The following PRDX1 variants were observed in gnomAD, a reference collection of about 807,000 sequenced individuals.
PRDX1 encodes peroxiredoxin-1.
In PRDX1, 19 loss-of-function variants were observed where a neutral mutation model predicts 20.7. The ratio of observed to expected loss-of-function variants is 0.92; its 90% confidence interval spans 0.64 to 1.35. The LOEUF (loss-of-function observed/expected upper bound fraction) is 1.35. PRDX1 is among the 40% of genes most tolerant of loss of function. The pLI, the probability that PRDX1 is intolerant of heterozygous loss-of-function variation, is 0.00. For missense variants in PRDX1, 226 were observed against 240.0 expected (o/e 0.94, Z 0.38); for synonymous variants, 89 against 83.9 (o/e 1.06, Z -0.33).
chr1:45,516,682 T>A (rs1008599392), intron 2 of PRDX1, among the ~76,000 whole-genome samples: 1 of 152,064 alleles, frequency 6.6e-6, no homozygotes, highest in Non-Finnish European at 1.5e-5. Flanking sequence ...AAATATTCAC[T>A]CATTTCCAGG....
rs2149325211 is a variant in PRDX1 at position 45,511,149 on chromosome 1, A to G, written c.*180T>C. 3.5e-6 allele frequency: 2 copies of G among 573,322 alleles called. No homozygotes were observed. The highest frequency in any genetic ancestry group is 9.8e-4 in the Middle Eastern group (2 of 2,050). The allele number at this position is 573,322 out of a possible 1,614,324, so 35.5% of individuals were successfully genotyped here. A position where few individuals can be genotyped will look rare whatever the true frequency, so the allele number is the denominator to read the frequency against. On this transcript the variant is annotated 3_prime_UTR_variant, in exon 6 of 6. Coordinates refer to ENST00000319248, the MANE Select transcript of PRDX1 (RefSeq NM_181697.3). Reference sequence around the variant, plus strand: ...CCTGCCCACAACGCCAACTCAGGCCATTCCTACCAAAGGAAGAAAGGCTGG... The same window carrying G: ...CCTGCCCACAACGCCAACTCAGGCCGTTCCTACCAAAGGAAGAAAGGCTGG...
intron 5 of PRDX1, among the ~76,000 whole-genome samples, chr1:45,513,952 AGAGG>A (rs1166557957): frequency 6.6e-6 from 1 of 152,178 alleles, no homozygotes; most frequent in Non-Finnish European, 1.5e-5. Flanking sequence ...GATTAGTAAA[AGAGG>A]AAGGAACGCC....
In PRDX1 at chr1:45,515,809, TG is replaced by T. The variant is rs745328384; in HGVS notation, c.107-3del. On this transcript the variant is annotated splice_region_variant and splice_polypyrimidine_tract_variant and intron_variant, in intron 2 of 5. Coordinates refer to ENST00000319248, the MANE Select transcript of PRDX1 (RefSeq NM_181697.3). ...AAAAGAAGAACACAACATATTTTCCTGGGGGGAAAATCGGAGTCATGGTTAG... is the reference window on the plus strand; with the variant it reads ...AAAAGAAGAACACAACATATTTTCCTGGGGGAAAATCGGAGTCATGGTTAG... 1.1e-5 allele frequency: 17 copies of T among 1,550,898 alleles called. No individual in the cohort carries two copies. Among genetic ancestry groups the T allele is most frequent in the African/African-American group, 1.4e-5 (1 of 71,004 alleles).
At chr1:45,519,495 C>A (rs1225202912) in intron 1 of PRDX1, among the ~76,000 whole-genome samples, 3 of 152,256 alleles carry the variant, frequency 2.0e-5, no homozygotes, top group Non-Finnish European at 4.4e-5. Context: ...TGTGCCTCCA[C>A]CTGCCTTCAT....
At chr1:45,520,224 A>AAAG (rs1168738391) in intron 1 of PRDX1, among the ~76,000 whole-genome samples, 1 of 147,800 alleles carries the variant, frequency 6.8e-6, no homozygotes, top group African/African-American at 2.6e-5. Flanking sequence ...AAAAAAAAAA[A>AAAG]AGAGGCAAGA....
At chr1:45,520,588 G>C (rs929514189) in intron 1 of PRDX1, among the ~76,000 whole-genome samples, 1 of 152,084 alleles carries the variant, frequency 6.6e-6, no homozygotes, top group African/African-American at 2.4e-5. Flanking sequence ...GCCGGGGGTG[G>C]TGGCACGCGC....
At chr1:45,511,712 G>T in intron 5 of PRDX1, 3 of 233,146 alleles carry the variant, frequency 1.3e-5, no homozygotes, top group Non-Finnish European at 1.7e-5. Flanking sequence ...TCCTTAAGGG[G>T]AAAAAAAAGC....
intron 3 of PRDX1, 67 bp from the exon 4 acceptor site, chr1:45,515,062 C>T: frequency 1.3e-6 from 2 of 1,575,408 alleles, no homozygotes; most frequent in Non-Finnish European, 1.7e-6. Context: ...TTCCTCTTTC[C>T]CCTTTCCCAT....
intron 2 of PRDX1, among the ~76,000 whole-genome samples, chr1:45,518,143 C>A (rs936219322): frequency 1.3e-5 from 2 of 152,030 alleles, no homozygotes; most frequent in Non-Finnish European, 2.9e-5. Context: ...CCAGCCTGGG[C>A]AACATGGCGC....
chr1:45,521,963 GGAGA>G (rs1643918936), upstream of PRDX1: 1 of 152,336 alleles, frequency 6.6e-6, no homozygotes, highest in South Asian at 2.1e-4. Context: ...TGCCGGAGGA[GGAGA>G]GAGAGGAGGG....
At chr1:45,522,597 C>G (rs1357057251), upstream of PRDX1, among the ~76,000 whole-genome samples, 1 of 152,130 alleles carries the variant, frequency 6.6e-6, no homozygotes, top group African/African-American at 2.4e-5. Context: ...ATGACTACCC[C>G]CCACAAACAC....
At chr1:45,514,392 G>A (rs1214249290) in intron 5 of PRDX1, 115 bp downstream of exon 5, 33 of 1,294,644 alleles carry the variant, frequency 2.5e-5, no homozygotes, top group Non-Finnish European at 3.3e-5. Flanking sequence ...CTTTGTCTAC[G>A]TGTCTTTTTC....
At chr1:45,516,113 C>T (rs1643858981) in intron 2 of PRDX1, among the ~76,000 whole-genome samples, 1 of 152,244 alleles carries the variant, frequency 6.6e-6, no homozygotes, top group Non-Finnish European at 1.5e-5. Context: ...ACACCAAGTT[C>T]TCCAAAGATA....
At chr1:45,511,660 CA>C (rs1479893290) in intron 5 of PRDX1, 9 of 339,728 alleles carry the variant, frequency 2.6e-5, no homozygotes, top group South Asian at 9.7e-5. Context: ...AAATTTTCCA[CA>C]AAAAAAGGCA....
intron 2 of PRDX1, among the ~76,000 whole-genome samples, chr1:45,516,534 A>G (rs1643863738): frequency 1.3e-5 from 2 of 152,180 alleles, no homozygotes; most frequent in African/African-American, 2.4e-5. Flanking sequence ...AGAAAAGACA[A>G]AAGTACTAGT....
At chr1:45,516,923 A>G (rs1404874727) in intron 2 of PRDX1, among the ~76,000 whole-genome samples, 1 of 151,574 alleles carries the variant, frequency 6.6e-6, no homozygotes, top group African/African-American at 2.4e-5. Context: ...GGGGAGGCTG[A>G]GCCAGGAGAA....
intron 3 of PRDX1, among the ~76,000 whole-genome samples, 158 bp from the exon 4 acceptor site, chr1:45,515,153 G>T (rs977173447): frequency 6.6e-6 from 1 of 152,110 alleles, no homozygotes; most frequent in African/African-American, 2.4e-5. Context: ...AGTTAAGGTA[G>T]GTCACTAGGG....
At chr1:45,512,333 G>C (rs1360136461) in intron 5 of PRDX1, 1 of 151,374 alleles carries the variant, frequency 6.6e-6, no homozygotes, top group Non-Finnish European at 1.5e-5. Context: ...CACCTCCGGG[G>C]TTCATGCCAT....
chr1:45,520,723 CAAAAAAAAAAA>C (rs71052895), intron 1 of PRDX1, among the ~76,000 whole-genome samples: 4 of 57,546 alleles, frequency 7.0e-5, no homozygotes, highest in African/African-American at 2.2e-4. Context: ...GACTCCGTCT[CAAAAAAAAAAA>C]AAAAAAAAAA....
Sources: gnomAD v4.1 joint callset for allele counts (sites outside exome capture counted in the v4.1 genomes callset) on GRCh38, gnomAD v4.1.1 for gene constraint, MANE v1.5 for transcripts, NCBI Gene and HGNC (gene_info 2026-07-23, HGNC 2026-07-21) for gene names.